CDC25A: variants seen among roughly 807,000 people sequenced by gnomAD.
CDC25A encodes cell division cycle 25A, also known as M-phase inducer phosphatase 1.
Under a neutral mutation model 64.6 loss-of-function variants are expected in CDC25A, and 17 were observed. The observed-to-expected ratio is 0.26, with a 90% CI of 0.18 to 0.39. CDC25A has a LOEUF of 0.39. CDC25A is among the 10% of genes least tolerant of loss of function. The pLI, the probability that CDC25A is intolerant of heterozygous loss-of-function variation, is 1.00. For missense variants in CDC25A, 473 were observed against 654.8 expected, an observed-to-expected ratio of 0.72 and a Z score of 3.03; for synonymous variants, 229 against 238.6, an observed-to-expected ratio of 0.96 and a Z score of 0.37.
At chr3:48,167,585 C>A (rs930678340) in intron 10 of CDC25A, among the ~76,000 whole-genome samples, 1 of 152,216 alleles carries the variant, frequency 6.6e-6, no homozygotes, top group African/African-American at 2.4e-5. Context: ...AGAGCCTAGT[C>A]TTTGGGTTAC....
chr3:48,177,429 G>T lies in CDC25A; in HGVS notation c.698C>A (p.Thr233Asn), dbSNP rs2032504887. The T allele has an allele frequency of 6.2e-7, 1 of 1,613,332 alleles. No individual in the cohort carries two copies. The highest frequency in any genetic ancestry group is 1.7e-5 in the Admixed American group (1 of 60,002). Reference protein sequence around the residue: ...DGENLKNEEETPSCMASLWTA... With the variant: ...DGENLKNEEENPSCMASLWTA... ...CCAGAGGCTTGCCATGCACGAGGGG[G>T]TCTCCTCCTCATTCTAAAGAAACAG... Residue 233 changes from threonine to asparagine, a missense_variant, in exon 8 of 15, where the codon ACC (threonine) becomes AAC (asparagine). Physicochemically the swap from Thr to Asn is moderately conservative, Grantham distance 65. Around this residue, in one of 2 missense-constraint regions of CDC25A, gnomAD observed 376 missense variants for 431.9 expected, o/e 0.87. Transcript: ENST00000302506.
Position 48,177,896 on chromosome 3 carries a change from C to T in CDC25A, c.642G>A (p.Glu214=). The T allele has an allele frequency of 6.2e-7, 1 of 1,614,054 alleles. No homozygotes were observed. The highest frequency in any genetic ancestry group is 8.5e-7 in the Non-Finnish European group (1 of 1,179,988). ...QSPVTATLSD[E]DDGFVDLLDG... ...CGAGAAGGTCCACGAAGCCATCATC[C>T]TCATCAGACAAAGTGGCTGTCACAG... The change falls in exon 7 of 15, where the codon GAG becomes GAA. Residue 214 remains glutamate, a synonymous_variant. Transcript: ENST00000302506.
At chr3:48,182,872 C>T in intron 5 of CDC25A, 57 bp downstream of exon 5, 2 of 1,160,448 alleles carry the variant, frequency 1.7e-6, no homozygotes, top group Non-Finnish European at 2.6e-6. Flanking sequence ...TTCTAAGCCA[C>T]TGACAGCCTG....
At chr3:48,180,393 AAAAAAAAAAG>A in intron 6 of CDC25A, 1 of 179,652 alleles carries the variant, frequency 5.6e-6, no homozygotes, top group East Asian at 1.4e-4. Flanking sequence ...AGCCCTTAAA[AAAAAAAAAAG>A]AAAAAAAGAA....
At position 48,157,460 on chromosome 3, in the gene CDC25A, C is replaced by T. The variant is rs867885902; in HGVS notation, c.*1485G>A. On this transcript the variant is annotated 3_prime_UTR_variant, in exon 15 of 15. Transcript: ENST00000302506. ...ATCTCCAGTATCACTGATTCCCACCCCAAGAAGTTGAGGTAAGAGGGGAGA... is the reference window on the plus strand; with the variant it reads ...ATCTCCAGTATCACTGATTCCCACCTCAAGAAGTTGAGGTAAGAGGGGAGA... The T allele has an allele frequency of 6.5e-6, 1 of 152,696 alleles. No homozygotes were observed. Among genetic ancestry groups the T allele is most frequent in the East Asian group, 1.9e-4 (1 of 5,180 alleles). The allele number at this position is 152,696 out of a possible 1,614,324, so 9.5% of individuals were successfully genotyped here.
chr3:48,175,459 T>C (rs1370621679), intron 8 of CDC25A, among the ~76,000 whole-genome samples: 3 of 152,198 alleles, frequency 2.0e-5, no homozygotes, highest in Non-Finnish European at 4.4e-5. Context: ...CTTTCACATC[T>C]CAGTAAACCA....
rs151314837 is a variant in CDC25A at position 48,176,225 on chromosome 3, A to C, written c.756+1146T>G. Among the ~76,000 whole-genome samples, 703 of 152,274 alleles carry C rather than the reference A, an allele frequency of 4.6e-3. 3 individuals are homozygous for C. Among genetic ancestry groups the C allele is most frequent in the African/African-American group, 0.016 (658 of 41,568 alleles). ...AAAACTGTAGCTCATTTGTTCTGTAATTATAGTTCAGGTTATTGAGAATTA... is the reference window on the plus strand; with the variant it reads ...AAAACTGTAGCTCATTTGTTCTGTACTTATAGTTCAGGTTATTGAGAATTA... On this transcript the variant is annotated intron_variant, in intron 8 of 14. Coordinates refer to ENST00000302506, the MANE Select transcript of CDC25A (RefSeq NM_001789.3).
Position 48,165,653 on chromosome 3 carries a change from C to G in CDC25A, c.1174G>C (p.Glu392Gln). 1.2e-6 allele frequency: 2 copies of G among 1,612,838 alleles called. No homozygotes were observed. Among genetic ancestry groups the G allele is most frequent in the Non-Finnish European group, 1.7e-6 (2 of 1,178,826 alleles). Residue 392 changes from glutamate (E) to glutamine (Q), a missense_variant, in exon 12 of 15, where the codon GAG becomes CAG. Physicochemically the swap from Glu to Gln is conservative, Grantham distance 29. Coordinates refer to ENST00000302506, the MANE Select transcript of CDC25A (RefSeq NM_001789.3). Reference sequence around the variant, plus strand: ...ATCCATACCTTGATGTGGCCTCCCTCGTATTCATATGGGTATCGACAGTCG... The same window carrying G: ...ATCCATACCTTGATGTGGCCTCCCTGGTATTCATATGGGTATCGACAGTCG... The part of the protein sequence containing the change: ...IIDCRYPYEY[E>Q]GGHIKGAVNL...
At chr3:48,169,802 G>A (rs568753864) in intron 9 of CDC25A, among the ~76,000 whole-genome samples, 2 of 152,236 alleles carry the variant, frequency 1.3e-5, no homozygotes, top group African/African-American at 4.8e-5. Flanking sequence ...GATGTCAGGG[G>A]TTCGAGACCA....
At chr3:48,183,751 A>C (rs762974843) in intron 4 of CDC25A, 49 bp downstream of exon 4, 1 of 1,196,478 alleles carries the variant, frequency 8.4e-7, no homozygotes, top group Non-Finnish European at 1.2e-6. Flanking sequence ...CTGGTAGCTA[A>C]GGAACAGATA....
At chr3:48,162,136 A>G (rs1351246408) in intron 13 of CDC25A, among the ~76,000 whole-genome samples, 2 of 152,210 alleles carry the variant, frequency 1.3e-5, no homozygotes, top group Admixed American at 1.3e-4. Context: ...AGATGTTTGA[A>G]GGACTTATGA....
At chr3:48,164,487 T>C (rs1371196071) in intron 12 of CDC25A, 50 bp from the exon 13 acceptor site, 1 of 1,439,004 alleles carries the variant, frequency 6.9e-7, no homozygotes, top group Non-Finnish European at 9.2e-7. Flanking sequence ...ACACATGAAG[T>C]AATGATTCAG....
rs763245061 is a variant in CDC25A, at chr3:48,184,717, C to T, written c.248-22G>A. 8 of 1,557,250 alleles carry T rather than the reference C, an allele frequency of 5.1e-6. No individual in the cohort carries two copies. The South Asian group carries it at 8.4e-5, about 16-fold the overall frequency. On this transcript the variant is annotated intron_variant, in intron 2 of 14. Coordinates refer to ENST00000302506, the MANE Select transcript of CDC25A (RefSeq NM_001789.3). ...AAACCTATGGGGAAAAAAAAAACCT[C>T]TCAAGAAATAATACAAAAAACACCA... is the stretch of plus-strand genomic sequence containing the variant.
chr3:48,176,106 T>C (rs2032445493), intron 8 of CDC25A, among the ~76,000 whole-genome samples: 1 of 152,142 alleles, frequency 6.6e-6, no homozygotes, highest in South Asian at 2.1e-4. Flanking sequence ...AGGCAGAGGT[T>C]GCAGCAAGTC....
chr3:48,181,416 C>A, intron 5 of CDC25A: 1 of 592,874 alleles, frequency 1.7e-6, no homozygotes, highest in Non-Finnish European at 3.0e-6. Flanking sequence ...TCACAGGTCC[C>A]TTGCCCTAAA....
chr3:48,182,195 G>T lies in CDC25A; in HGVS notation c.429+734C>A, dbSNP rs1021894791. Among the ~76,000 whole-genome samples, 15 of 152,192 alleles carry T rather than the reference G, an allele frequency of 9.9e-5. No individual in the cohort carries two copies. In the East Asian group the frequency reaches 2.9e-3, roughly 29 times the overall value. Reference sequence around the variant, plus strand: ...TCATGACACTTCCCAGGTTGATAAAGAAATCATCAGGAGAGTTCATGGAGG... The same window carrying T: ...TCATGACACTTCCCAGGTTGATAAATAAATCATCAGGAGAGTTCATGGAGG... On this transcript the variant is annotated intron_variant, in intron 5 of 14. Coordinates refer to ENST00000302506, the MANE Select transcript of CDC25A (RefSeq NM_001789.3).
chr3:48,162,502 G>A (rs1270681588), intron 13 of CDC25A, among the ~76,000 whole-genome samples: 1 of 151,836 alleles, frequency 6.6e-6, no homozygotes, highest in Non-Finnish European at 1.5e-5. Flanking sequence ...CCAAAGTGTT[G>A]GGATTACAGG....
Position 48,187,969 on chromosome 3 carries a change from G to A in CDC25A, c.-22C>T. 6.3e-6 allele frequency: 9 copies of A among 1,437,972 alleles called. No individual in the cohort carries two copies. The highest frequency in any genetic ancestry group is 6.4e-6 in the Non-Finnish European group (7 of 1,101,460). The allele number at this position is 1,437,972 out of a possible 1,614,324, so 89.1% of individuals were successfully genotyped here. ...CCATGGCGGCGCCCGGCCTCGCAGA[G>A]CTCCCGCTCCCTCTTCCTCTGCCTC... On this transcript the variant is annotated 5_prime_UTR_variant, in exon 1 of 15. Transcript: ENST00000302506.
intron 10 of CDC25A, among the ~76,000 whole-genome samples, chr3:48,166,507 C>A (rs3731544): frequency 0.047 from 7,228 of 152,268 alleles, 265 homozygotes; most frequent in Non-Finnish European, 0.072. Flanking sequence ...AGAATCCACA[C>A]GTCAGTAGTT....
Sources: allele counts gnomAD v4.1 joint callset (sites outside exome capture counted in the v4.1 genomes callset), GRCh38; gene constraint gnomAD v4.1.1; regional missense constraint gnomAD v4.1.1; transcripts MANE v1.5; gene names NCBI Gene and HGNC (gene_info 2026-07-23, HGNC 2026-07-21).